CHRM3: variants seen among roughly 807,000 people sequenced by gnomAD.
CHRM3 encodes muscarinic acetylcholine receptor M3.
In CHRM3, 11 loss-of-function variants were observed where a neutral mutation model predicts 41.8. That is an observed-to-expected ratio of 0.26 (90% CI 0.17 to 0.44). The LOEUF (loss-of-function observed/expected upper bound fraction) is 0.44, where lower values mean the gene tolerates loss of function less well. CHRM3 is among the 20% of genes least tolerant of loss of function. CHRM3 has a pLI of 1.00. For synonymous variants in CHRM3, 297 were observed against 301.4 expected (o/e 0.99, Z 0.15); for missense variants, 571 against 745.4 (o/e 0.77, Z 2.72).
At chr1:239,844,418 T>C (rs1245448703) in intron 6 of CHRM3, among the ~76,000 whole-genome samples, 1 of 152,148 alleles carries the variant, frequency 6.6e-6, no homozygotes, top group Non-Finnish European at 1.5e-5. Context: ...AAATACAGTA[T>C]CTAGAATAAA....
At chr1:239,636,002 C>G (rs1670424963) in intron 4 of CHRM3, among the ~76,000 whole-genome samples, 1 of 152,108 alleles carries the variant, frequency 6.6e-6, no homozygotes, top group African/African-American at 2.4e-5. Flanking sequence ...GGAAGAAGAA[C>G]AGAAGGACAG....
At chr1:239,895,757 A>C (rs762377009) in intron 6 of CHRM3, among the ~76,000 whole-genome samples, 1 of 152,182 alleles carries the variant, frequency 6.6e-6, no homozygotes, top group Non-Finnish European at 1.5e-5. Context: ...TATAAGTGGG[A>C]GCTGAGCATT....
chr1:239,897,987 C>G (rs985460279), intron 6 of CHRM3: 1 of 151,652 alleles, frequency 6.6e-6, no homozygotes, highest in African/African-American at 2.4e-5. Flanking sequence ...GAGGAGGCAG[C>G]AAGATAAATC....
chr1:239,720,022 A>T (rs1003662245), intron 5 of CHRM3: 1 of 152,096 alleles, frequency 6.6e-6, no homozygotes, highest in African/African-American at 2.4e-5. Context: ...AGGATTTTTA[A>T]GCACTGAACT....
At chr1:239,725,084 T>C (rs61834839) in intron 5 of CHRM3, among the ~76,000 whole-genome samples, 5,671 of 152,072 alleles carry the variant, frequency 0.037, 165 homozygotes, top group African/African-American at 0.067. Flanking sequence ...GTGTTATCTT[T>C]GATCTAGCTG....
Position 239,806,910 on chromosome 1 carries a change from C to T in CHRM3, c.-146-20342C>T, listed in dbSNP as rs1026645826. 5.3e-5 allele frequency among the ~76,000 whole-genome samples: 8 copies of T among 152,246 alleles called. No homozygotes were observed. In the South Asian group the frequency reaches 6.2e-4, roughly 12 times the overall value. ...TGTTCACAGAAGAATTCCAAAGAAG[C>T]GTACATTCTGTTTTGAGAGTAGTAC... On this transcript the variant is annotated intron_variant, in intron 5 of 6. Coordinates refer to ENST00000676153, the MANE Select transcript of CHRM3 (RefSeq NM_001375978.1).
At chr1:239,868,477 TG>T (rs1467628675) in intron 6 of CHRM3, among the ~76,000 whole-genome samples, 1 of 152,154 alleles carries the variant, frequency 6.6e-6, no homozygotes, top group East Asian at 1.9e-4. Flanking sequence ...CCTTTGATGA[TG>T]ACTGAGACAG....
chr1:239,509,825 C>T (rs760716419), intron 2 of CHRM3, among the ~76,000 whole-genome samples: 7 of 152,132 alleles, frequency 4.6e-5, no homozygotes, highest in South Asian at 2.1e-4. Flanking sequence ...TGTTGGCTCA[C>T]GCCTGTAATC....
At chr1:239,645,772 G>A (rs1404195637) in intron 4 of CHRM3, among the ~76,000 whole-genome samples, 3 of 151,954 alleles carry the variant, frequency 2.0e-5, no homozygotes, top group Admixed American at 6.6e-5. Flanking sequence ...ACAAAAGAAC[G>A]GCCATAGAGA....
intron 5 of CHRM3, among the ~76,000 whole-genome samples, chr1:239,777,699 T>C (rs543908887): frequency 2.5e-4 from 38 of 152,192 alleles, no homozygotes; most frequent in Non-Finnish European, 4.3e-4. Context: ...ACCAATGATT[T>C]ATGATATTCA....
intron 1 of CHRM3, among the ~76,000 whole-genome samples, chr1:239,399,901 T>G (rs2102970374): frequency 6.6e-6 from 1 of 152,010 alleles, no homozygotes; most frequent in East Asian, 1.9e-4. Context: ...TTTTATTTAT[T>G]TATTTATTTT....
intron 5 of CHRM3, among the ~76,000 whole-genome samples, chr1:239,722,386 T>C (rs556569525): frequency 1.6e-4 from 24 of 152,032 alleles, no homozygotes; most frequent in Admixed American, 6.6e-4. Context: ...ACAGATATTA[T>C]TGCTGTCTCC....
intron 6 of CHRM3, among the ~76,000 whole-genome samples, chr1:239,901,590 A>G (rs368080924): frequency 6.6e-6 from 1 of 152,160 alleles, no homozygotes; most frequent in Non-Finnish European, 1.5e-5. Context: ...GTTTTATTGT[A>G]AACTAAATTT....
At chr1:239,863,268 G>A (rs1675787113) in intron 6 of CHRM3, among the ~76,000 whole-genome samples, 1 of 152,192 alleles carries the variant, frequency 6.6e-6, no homozygotes, top group African/African-American at 2.4e-5. Context: ...TTCAAAGGAT[G>A]GGACAATGGT....
intron 2 of CHRM3, among the ~76,000 whole-genome samples, chr1:239,540,340 T>C (rs977876708): frequency 1.3e-5 from 2 of 152,198 alleles, no homozygotes. Flanking sequence ...CTATTTTAAG[T>C]GAAGTAAGTG....
chr1:239,853,011 T>C (rs952219128), intron 6 of CHRM3, among the ~76,000 whole-genome samples: 8 of 152,034 alleles, frequency 5.3e-5, no homozygotes, highest in Admixed American at 6.6e-5. Context: ...TGTGTTCAAA[T>C]GAATTTATTT....
rs151139224 is a variant in CHRM3, at chr1:239,414,050, C to T, written c.-521+26823C>T. 6.7e-3 allele frequency among the ~76,000 whole-genome samples: 1,019 copies of T among 152,212 alleles called. 14 individuals carry two copies. Among genetic ancestry groups the T allele is most frequent in the African/African-American group, 0.023 (948 of 41,538 alleles). On this transcript the variant is annotated intron_variant, in intron 1 of 6. Transcript: ENST00000676153. ...GTTTTAGACTTCGCTAGGCCCTTGT[C>T]GTTTGTAAAGCTTCCGTGGTGGTTT...
At chr1:239,785,316 T>G (rs773958948) in intron 5 of CHRM3, among the ~76,000 whole-genome samples, 2 of 152,218 alleles carry the variant, frequency 1.3e-5, no homozygotes, top group Non-Finnish European at 2.9e-5. Flanking sequence ...CTGAAATTCA[T>G]GGAGATGGAA....
intron 3 of CHRM3, among the ~76,000 whole-genome samples, chr1:239,552,627 A>AT (rs1659977717): frequency 3.6e-5 from 5 of 139,770 alleles, no homozygotes; most frequent in East Asian, 2.1e-4. Context: ...CACCTGACTA[A>AT]TATTATTATT....
Sources: gnomAD v4.1 joint callset for allele counts (sites outside exome capture counted in the v4.1 genomes callset) on GRCh38, gnomAD v4.1.1 for gene constraint, MANE v1.5 for transcripts, NCBI Gene and HGNC (gene_info 2026-07-23, HGNC 2026-07-21) for gene names.